The following ANKS1B variants were observed in gnomAD, a reference collection of about 807,000 sequenced individuals.
The protein encoded by ANKS1B is ankyrin repeat and sterile alpha motif domain-containing protein 1B.
ANKS1B carries 36 observed loss-of-function variants against 148.3 expected under a neutral mutation model. The ratio of observed to expected loss-of-function variants is 0.24; its 90% CI spans 0.19 to 0.32. The LOEUF (loss-of-function observed/expected upper bound fraction) is 0.32, where lower values mean the gene tolerates loss of function less well. Ranked by LOEUF, ANKS1B falls within the 10% of genes least tolerant of loss-of-function variation. The pLI is 1.00. For missense variants in ANKS1B, 1,157 were observed against 1,542.6 expected (o/e 0.75, Z 4.19); for synonymous variants, 542 against 560.8 (o/e 0.97, Z 0.47).
chr12:99,285,743 G>C (rs1440701243), intron 12 of ANKS1B, among the ~76,000 whole-genome samples: 1 of 152,118 alleles, frequency 6.6e-6, no homozygotes, highest in East Asian at 1.9e-4. Context: ...GAGAGAATCT[G>C]TGTGCTTGGG....
intron 1 of ANKS1B, among the ~76,000 whole-genome samples, chr12:99,836,843 T>C (rs988622383): frequency 1.3e-5 from 2 of 152,162 alleles, no homozygotes; most frequent in Non-Finnish European, 2.9e-5. Context: ...ACACGAACAC[T>C]GATTTTGGTG....
chr12:99,257,804 T>C (rs2075445187), intron 12 of ANKS1B, among the ~76,000 whole-genome samples: 1 of 152,170 alleles, frequency 6.6e-6, no homozygotes, highest in Admixed American at 6.5e-5. Flanking sequence ...GAGAAAACCT[T>C]GTGCTTCCCT....
At chr12:99,608,506 T>A (rs1302765212) in intron 9 of ANKS1B, among the ~76,000 whole-genome samples, 1 of 152,128 alleles carries the variant, frequency 6.6e-6, no homozygotes, top group Non-Finnish European at 1.5e-5. Context: ...CAGCAACCGC[T>A]GTCTGTTGTA....
chr12:99,322,873 A>G (rs1047036510), intron 12 of ANKS1B, among the ~76,000 whole-genome samples: 1 of 152,156 alleles, frequency 6.6e-6, no homozygotes, highest in Non-Finnish European at 1.5e-5. Flanking sequence ...CTCACAAGAT[A>G]TGATGGTTTT....
intron 9 of ANKS1B, among the ~76,000 whole-genome samples, chr12:99,623,469 T>C (rs1208605287): frequency 1.3e-5 from 2 of 151,932 alleles, no homozygotes; most frequent in African/African-American, 4.8e-5. Context: ...AACTCTCTTC[T>C]TACTGACGAT....
intron 8 of ANKS1B, among the ~76,000 whole-genome samples, chr12:99,705,632 A>G (rs1472054906): frequency 6.6e-6 from 1 of 152,152 alleles, no homozygotes; most frequent in Non-Finnish European, 1.5e-5. Flanking sequence ...AGACATTTGC[A>G]TGAAATTACT....
Position 98,953,951 on chromosome 12 carries a change from T to C in ANKS1B, c.2778+99206A>G, listed in dbSNP as rs78728313. 2.2e-3 allele frequency among the ~76,000 whole-genome samples: 336 copies of C among 152,308 alleles called. 10 individuals are homozygous for C. In the East Asian group the frequency reaches 0.06, roughly 27 times the overall value. ...TGTCTCATCTTTTTGATATGACCAT[T>C]CCTAATTATTTAAATCCATATTCTG... On this transcript the variant is annotated intron_variant, in intron 17 of 26. Coordinates refer to ENST00000683438, the MANE Select transcript of ANKS1B (RefSeq NM_001352186.2).
chr12:98,961,130 T>C lies in ANKS1B; in HGVS notation c.2778+92027A>G, dbSNP rs899571093. ...ATAATAACAGAGAACTTAACAAACC[T>C]AGAGAAAGGTGTAAATATTCAAGTG... On this transcript the variant is annotated intron_variant, in intron 17 of 26. Transcript: ENST00000683438. Among the ~76,000 whole-genome samples the C allele has an allele frequency of 3.3e-5, 5 of 152,228 alleles. No homozygotes were observed. In the East Asian group the frequency reaches 7.7e-4, roughly 23 times the overall value.
At chr12:98,781,276 T>G in intron 23 of ANKS1B, 73 bp from the exon 24 acceptor site, 1 of 849,368 alleles carries the variant, frequency 1.2e-6, no homozygotes, top group East Asian at 2.7e-5. Flanking sequence ...TTTTTCCTCC[T>G]GAAAGATAAA....
intron 1 of ANKS1B, among the ~76,000 whole-genome samples, chr12:99,907,431 A>G (rs1305881316): frequency 1.3e-5 from 2 of 152,224 alleles, no homozygotes; most frequent in African/African-American, 4.8e-5. Flanking sequence ...ATCTAAATGC[A>G]TGATCAGACC....
chr12:98,794,837 A>T, intron 22 of ANKS1B: 1 of 1,600,920 alleles, frequency 6.2e-7, no homozygotes, highest in South Asian at 1.1e-5. Flanking sequence ...GAGCTACAGA[A>T]AGTTCAGGAT....
intron 16 of ANKS1B, among the ~76,000 whole-genome samples, chr12:99,053,762 T>C (rs1282679946): frequency 1.3e-5 from 2 of 152,222 alleles, no homozygotes; most frequent in African/African-American, 4.8e-5. Context: ...AGGGAATTTG[T>C]GCTTATGCAA....
chr12:99,396,366 C>T (rs1277993861), intron 12 of ANKS1B, among the ~76,000 whole-genome samples: 1 of 152,104 alleles, frequency 6.6e-6, no homozygotes, highest in Non-Finnish European at 1.5e-5. Flanking sequence ...GCTACTTTTG[C>T]AAGTACAAAT....
chr12:99,929,999 A>T (rs2094572214), intron 1 of ANKS1B, among the ~76,000 whole-genome samples: 1 of 152,180 alleles, frequency 6.6e-6, no homozygotes, highest in South Asian at 2.1e-4. Flanking sequence ...TTGGTTCCAC[A>T]TGAACTTTAA....
chr12:99,085,099 C>A, intron 15 of ANKS1B, 76 bp from the exon 16 acceptor site: 1 of 1,232,118 alleles, frequency 8.1e-7, no homozygotes, highest in South Asian at 1.3e-5. Flanking sequence ...TTATTTAATA[C>A]AGAGAAAACC....
chr12:99,315,527 C>A (rs949408048), intron 12 of ANKS1B, among the ~76,000 whole-genome samples: 12 of 152,074 alleles, frequency 7.9e-5, no homozygotes, highest in African/African-American at 2.9e-4. Context: ...CATCTCACAC[C>A]AATCAGAATG....
intron 17 of ANKS1B, among the ~76,000 whole-genome samples, chr12:98,962,857 G>A (rs1194280677): frequency 6.6e-6 from 1 of 152,170 alleles, no homozygotes; most frequent in Non-Finnish European, 1.5e-5. Flanking sequence ...GTGGGTCAAT[G>A]AAGAGATTAA....
intron 17 of ANKS1B, among the ~76,000 whole-genome samples, chr12:98,869,012 G>C (rs41451645): frequency 0.15 from 22,441 of 152,142 alleles, 2,166 homozygotes; most frequent in Admixed American, 0.22. Context: ...GTGTATCCAA[G>C]GGCACAAGAT....
intron 1 of ANKS1B, among the ~76,000 whole-genome samples, chr12:99,896,583 T>C (rs933747054): frequency 1.2e-4 from 18 of 151,168 alleles, no homozygotes; most frequent in Non-Finnish European, 7.4e-5. Context: ...TAAAGAGCCA[T>C]CTCTGGTGCA....
Sources: gnomAD v4.1 joint callset for allele counts (sites outside exome capture counted in the v4.1 genomes callset) on GRCh38, gnomAD v4.1.1 for gene constraint, MANE v1.5 for transcripts, NCBI Gene and HGNC (gene_info 2026-07-23, HGNC 2026-07-21) for gene names.